SLC4A10: variants seen among roughly 807,000 people sequenced by gnomAD.
SLC4A10 encodes the protein sodium-driven chloride bicarbonate exchanger.
SLC4A10 carries 42 observed loss-of-function variants against 137.7 expected under a neutral mutation model. The ratio of observed to expected loss-of-function variants is 0.30; its 90% confidence interval spans 0.24 to 0.39. SLC4A10 has a LOEUF of 0.39. Ranked by LOEUF, SLC4A10 falls within the 10% of genes least tolerant of loss-of-function variation. The pLI is 1.00. For missense variants in SLC4A10, 925 were observed against 1,355.0 expected, an observed-to-expected ratio of 0.68 and a Z score of 4.98; for synonymous variants, 474 against 464.1, an observed-to-expected ratio of 1.02 and a Z score of -0.27.
intron 1 of SLC4A10, among the ~76,000 whole-genome samples, chr2:161,655,420 T>G (rs1588396): frequency 0.91 from 137,779 of 152,142 alleles, 62,492 homozygotes; most frequent in East Asian, 1. Flanking sequence ...ACGAGAATGG[T>G]CATCCCTGCA....
chr2:161,709,558 C>T (rs1376982860), intron 1 of SLC4A10, among the ~76,000 whole-genome samples: 2 of 151,558 alleles, frequency 1.3e-5, no homozygotes, highest in Non-Finnish European at 3.0e-5. Context: ...AAGCTTGTGA[C>T]ATTTAAGCTT....
intron 5 of SLC4A10, among the ~76,000 whole-genome samples, chr2:161,855,977 T>C (rs1041052422): frequency 1.3e-5 from 2 of 152,126 alleles, no homozygotes; most frequent in Non-Finnish European, 2.9e-5. Flanking sequence ...ACTATATGTG[T>C]GTTTTTAATC....
intron 4 of SLC4A10, among the ~76,000 whole-genome samples, chr2:161,842,502 T>C (rs1449631): frequency 0.54 from 81,459 of 151,630 alleles, 22,348 homozygotes; most frequent in East Asian, 0.85. Flanking sequence ...TTTATTTATT[T>C]TATATAAATC....
At chr2:161,735,165 C>T (rs1183334372) in intron 1 of SLC4A10, among the ~76,000 whole-genome samples, 2 of 148,320 alleles carry the variant, frequency 1.3e-5, no homozygotes, top group African/African-American at 4.9e-5. Context: ...ATATAATATA[C>T]ATATATTAAT....
At chr2:161,876,529 A>G (rs538041929) in intron 8 of SLC4A10, among the ~76,000 whole-genome samples, 1 of 152,062 alleles carries the variant, frequency 6.6e-6, no homozygotes, top group South Asian at 2.1e-4. Flanking sequence ...ATCTAGAAAA[A>G]ATCAGCCAGG....
intron 13 of SLC4A10, 114 bp downstream of exon 13, chr2:161,904,292 G>C: frequency 8.7e-7 from 1 of 1,146,370 alleles, no homozygotes; most frequent in Non-Finnish European, 1.2e-6. Context: ...TTGAGATATG[G>C]TCTGGCAGAT....
rs577289423 is a variant in SLC4A10 at position 161,882,284 on chromosome 2, A to T, written c.1107-73A>T. On this transcript the variant is annotated intron_variant, in intron 9 of 26. Transcript: ENST00000446997. Reference sequence around the variant, plus strand: ...CTCCATTTTCAGTAATTCCTTTGAGATGAGTGATTCTGTATTACTAAAATT... The same window carrying T: ...CTCCATTTTCAGTAATTCCTTTGAGTTGAGTGATTCTGTATTACTAAAATT... 9 of 799,476 alleles carry T rather than the reference A, an allele frequency of 1.1e-5. No homozygotes were observed. The South Asian group carries it at 2.1e-4, about 19-fold the overall frequency. 49.5% of individuals were successfully genotyped at this position (799,476 alleles called of 1,614,324 possible). A position where few individuals can be genotyped will look rare whatever the true frequency, so the allele number is the denominator to read the frequency against.
intron 3 of SLC4A10, among the ~76,000 whole-genome samples, chr2:161,813,354 G>C (rs1409779352): frequency 6.6e-6 from 1 of 152,022 alleles, no homozygotes; most frequent in East Asian, 1.9e-4. Flanking sequence ...TTATCCAAAT[G>C]CCCTGTACTT....
At chr2:161,773,155 A>G (rs1367976707) in intron 2 of SLC4A10, among the ~76,000 whole-genome samples, 2 of 151,910 alleles carry the variant, frequency 1.3e-5, no homozygotes, top group African/African-American at 4.8e-5. Flanking sequence ...GGAGGTCCAT[A>G]TCTGGTGAGG....
intron 1 of SLC4A10, among the ~76,000 whole-genome samples, chr2:161,759,934 A>G (rs1350345679): frequency 1.3e-5 from 2 of 152,054 alleles, no homozygotes; most frequent in Non-Finnish European, 2.9e-5. Flanking sequence ...ACAAAAAAAT[A>G]CAGATATTAT....
chr2:161,806,976 G>A (rs1282382097), intron 3 of SLC4A10, among the ~76,000 whole-genome samples: 2 of 152,124 alleles, frequency 1.3e-5, no homozygotes, highest in African/African-American at 4.8e-5. Context: ...AGGTTTAATT[G>A]GACTTACAGT....
intron 15 of SLC4A10, among the ~76,000 whole-genome samples, chr2:161,920,957 G>A (rs1008474971): frequency 6.6e-6 from 1 of 152,230 alleles, no homozygotes; most frequent in African/African-American, 2.4e-5. Flanking sequence ...AGTGTCTGGA[G>A]ATGTCCTTTG....
chr2:161,849,880 G>GATTTTTGTTGTGAA (rs1188842740), intron 4 of SLC4A10, among the ~76,000 whole-genome samples: 2 of 152,010 alleles, frequency 1.3e-5, no homozygotes, highest in East Asian at 3.9e-4. Context: ...AATCTGCCTG[G>GATTTTTGTTGTGAA]TTTTAGTATG....
chr2:161,936,686 C>T (rs1691643543), intron 15 of SLC4A10, among the ~76,000 whole-genome samples: 1 of 152,022 alleles, frequency 6.6e-6, no homozygotes, highest in African/African-American at 2.4e-5. Flanking sequence ...TATTCTTGGT[C>T]TAGCTCAACA....
At chr2:161,667,325 G>T (rs1204452887) in intron 1 of SLC4A10, among the ~76,000 whole-genome samples, 1 of 151,638 alleles carries the variant, frequency 6.6e-6, no homozygotes, top group Non-Finnish European at 1.5e-5. Context: ...TCTGCTCTAG[G>T]TGCTGGTAAA....
intron 1 of SLC4A10, among the ~76,000 whole-genome samples, chr2:161,700,144 A>G (rs948281332): frequency 6.6e-6 from 1 of 152,194 alleles, no homozygotes; most frequent in African/African-American, 2.4e-5. Flanking sequence ...AGAGTAACTG[A>G]CAATTAAAGG....
At chr2:161,949,624 T>C (rs1303983026) in intron 18 of SLC4A10, among the ~76,000 whole-genome samples, 1 of 151,950 alleles carries the variant, frequency 6.6e-6, no homozygotes, top group Non-Finnish European at 1.5e-5. Flanking sequence ...TAAAAATAGA[T>C]TGGGAATAGA....
At chr2:161,645,341 G>A (rs1477588877) in intron 1 of SLC4A10, among the ~76,000 whole-genome samples, 1 of 151,532 alleles carries the variant, frequency 6.6e-6, no homozygotes, top group African/African-American at 2.4e-5. Context: ...AAGACTTCTT[G>A]TTATAATATT....
At chr2:161,789,112 G>A (rs1021361467) in intron 2 of SLC4A10, among the ~76,000 whole-genome samples, 1 of 152,206 alleles carries the variant, frequency 6.6e-6, no homozygotes, top group African/African-American at 2.4e-5. Context: ...CAACCAGTGT[G>A]GCACCTGCCA....
Sources: gnomAD v4.1 joint callset for allele counts (sites outside exome capture counted in the v4.1 genomes callset) on GRCh38, gnomAD v4.1.1 for gene constraint, MANE v1.5 for transcripts, NCBI Gene and HGNC (gene_info 2026-07-23, HGNC 2026-07-21) for gene names.